NLGN1: variants seen among roughly 807,000 people sequenced by gnomAD.
The protein encoded by NLGN1 is neuroligin-1.
In NLGN1, 12 loss-of-function variants were observed where a neutral mutation model predicts 65.5. That is an observed-to-expected ratio of 0.18 (90% CI 0.12 to 0.30). The LOEUF (loss-of-function observed/expected upper bound fraction) is 0.30, where lower values mean the gene tolerates loss of function less well. Ranked by LOEUF, NLGN1 falls within the 10% of genes least tolerant of loss-of-function variation. The probability of loss-of-function intolerance (pLI) is 1.00; values close to 1 mark genes in which losing one functional copy is unlikely to be tolerated. For missense variants in NLGN1, 750 were observed against 1,007.1 expected (o/e 0.74, Z 3.46); for synonymous variants, 350 against 359.5 (o/e 0.97, Z 0.30).
At position 174,147,419 on chromosome 3, in the gene NLGN1, C is replaced by CTTTTTTTTTT. The variant is rs574298501; in HGVS notation, c.647-127874_647-127865dup. 5.2e-4 allele frequency among the ~76,000 whole-genome samples: 19 copies of CTTTTTTTTTT among 36,260 alleles called. 4 individuals are homozygous for CTTTTTTTTTT. Among genetic ancestry groups the CTTTTTTTTTT allele is most frequent in the African/African-American group, 1.2e-3 (13 of 11,166 alleles). 23.8% of individuals were successfully genotyped at this position (36,260 alleles called of 152,430 possible). Reference sequence around the variant, plus strand: ...TGAATTTTTGTGTAATGGCTCATGGCTTTTTTTTTTTTTTTTTTTTTTTTT... The same window carrying CTTTTTTTTTT: ...TGAATTTTTGTGTAATGGCTCATGGCTTTTTTTTTTTTTTTTTTTTTTTTTTTTTTTTTTT... On this transcript the variant is annotated intron_variant, in intron 4 of 6. Coordinates refer to ENST00000457714, the Ensembl canonical transcript of NLGN1.
intron 4 of NLGN1, among the ~76,000 whole-genome samples, chr3:174,169,718 C>T (rs1728172218): frequency 6.6e-6 from 1 of 152,062 alleles, no homozygotes; most frequent in South Asian, 2.1e-4. Context: ...AGATCAGTTC[C>T]AGGTCACTAA....
intron 2 of NLGN1, among the ~76,000 whole-genome samples, chr3:173,539,531 A>G (rs1738105801): frequency 6.9e-6 from 1 of 144,120 alleles, no homozygotes; most frequent in South Asian, 2.1e-4. Flanking sequence ...ATGTATATAT[A>G]CATATGTATA....
intron 2 of NLGN1, chr3:173,435,228 CA>C (rs1717897800): frequency 6.6e-6 from 1 of 152,398 alleles, no homozygotes; most frequent in African/African-American, 2.4e-5. Context: ...TTCTGTTGAA[CA>C]ATTTTAATAC....
Position 173,923,546 on chromosome 3 carries a change from G to A in NLGN1, c.646+115714G>A, listed in dbSNP as rs1169985301. Among the ~76,000 whole-genome samples the A allele has an allele frequency of 4.6e-5, 7 of 152,128 alleles. No individual in the cohort carries two copies. The South Asian group carries it at 1.5e-3, about 32-fold the overall frequency. ...TGATCCTGTGATTTAAAAATTGCTG[G>A]TGTGGGTTAAACATCTTCCAAGACA... On this transcript the variant is annotated intron_variant, in intron 4 of 6. Transcript: ENST00000457714.
chr3:173,788,406 A>G (rs1247556186), intron 3 of NLGN1, among the ~76,000 whole-genome samples: 1 of 151,826 alleles, frequency 6.6e-6, no homozygotes, highest in Non-Finnish European at 1.5e-5. Context: ...CAATTAACCT[A>G]TTTTTTTAGT....
At chr3:173,494,122 AGTGT>A (rs63066860) in intron 2 of NLGN1, among the ~76,000 whole-genome samples, 38,497 of 147,796 alleles carry the variant, frequency 0.26, 5,794 homozygotes, top group African/African-American at 0.41. Context: ...GTTATAGGTG[AGTGT>A]GTGTGTGTGT....
chr3:173,830,838 A>C (rs1185228030), intron 4 of NLGN1, among the ~76,000 whole-genome samples: 1 of 152,224 alleles, frequency 6.6e-6, no homozygotes, highest in Non-Finnish European at 1.5e-5. Flanking sequence ...AATCATGTGA[A>C]TAACTAGTCC....
At chr3:174,186,457 G>A (rs1731417086) in intron 4 of NLGN1, among the ~76,000 whole-genome samples, 1 of 151,990 alleles carries the variant, frequency 6.6e-6, no homozygotes, top group Non-Finnish European at 1.5e-5. Context: ...AGAACAAATT[G>A]CAAGAGTTTT....
intron 2 of NLGN1, among the ~76,000 whole-genome samples, chr3:173,447,043 T>A (rs1161301358): frequency 2.0e-5 from 3 of 152,242 alleles, no homozygotes; most frequent in African/African-American, 7.2e-5. Flanking sequence ...TGGTTTCTTT[T>A]GCTGTGCAGA....
chr3:173,710,850 G>A (rs1409938408), intron 3 of NLGN1, among the ~76,000 whole-genome samples: 1 of 152,144 alleles, frequency 6.6e-6, no homozygotes, highest in Non-Finnish European at 1.5e-5. Context: ...AGAAAGAAGG[G>A]AAACAGTCCA....
At chr3:173,729,114 A>T (rs1198709325) in intron 3 of NLGN1, among the ~76,000 whole-genome samples, 1 of 152,084 alleles carries the variant, frequency 6.6e-6, no homozygotes, top group Admixed American at 6.6e-5. Flanking sequence ...GGGTTTTATA[A>T]ACCCAGGTCA....
chr3:174,031,658 T>C (rs1470817942), intron 4 of NLGN1, among the ~76,000 whole-genome samples: 2 of 152,110 alleles, frequency 1.3e-5, no homozygotes, highest in Non-Finnish European at 2.9e-5. Flanking sequence ...TAAAAAATTT[T>C]AATAGAAGGT....
At chr3:173,965,611 C>T (rs974531227) in intron 4 of NLGN1, among the ~76,000 whole-genome samples, 2 of 151,950 alleles carry the variant, frequency 1.3e-5, no homozygotes, top group Non-Finnish European at 2.9e-5. Context: ...AGCCACCCAA[C>T]GCGCTGGCCC....
At chr3:173,906,604 A>G (rs1738444388) in intron 4 of NLGN1, among the ~76,000 whole-genome samples, 1 of 152,164 alleles carries the variant, frequency 6.6e-6, no homozygotes, top group South Asian at 2.1e-4. Context: ...ATGGAGGCAA[A>G]ACAGTGGGTG....
intron 4 of NLGN1, among the ~76,000 whole-genome samples, chr3:174,265,623 C>A (rs1401396810): frequency 6.6e-6 from 1 of 151,880 alleles, no homozygotes; most frequent in Non-Finnish European, 1.5e-5. Context: ...GATGGAAATG[C>A]AGAAATCACC....
chr3:173,607,006 T>C (rs1297075770), intron 3 of NLGN1, among the ~76,000 whole-genome samples: 1 of 151,918 alleles, frequency 6.6e-6, no homozygotes, highest in Non-Finnish European at 1.5e-5. Context: ...AAGATGTTGA[T>C]TCACAAAGTC....
chr3:173,917,462 G>A (rs375336607), intron 4 of NLGN1, among the ~76,000 whole-genome samples: 5 of 152,124 alleles, frequency 3.3e-5, no homozygotes, highest in Admixed American at 2.6e-4. Context: ...TTACATATGA[G>A]TTTAATTTTG....
chr3:173,772,408 A>C (rs1346004123), intron 3 of NLGN1, among the ~76,000 whole-genome samples: 1 of 151,994 alleles, frequency 6.6e-6, no homozygotes, highest in Non-Finnish European at 1.5e-5. Flanking sequence ...ACCTGAGGTC[A>C]GAAGTTTGAC....
At chr3:173,637,633 A>T (rs192945441) in intron 3 of NLGN1, among the ~76,000 whole-genome samples, 1 of 152,290 alleles carries the variant, frequency 6.6e-6, no homozygotes, top group East Asian at 1.9e-4. Flanking sequence ...ATATTGAGAT[A>T]CTATGATGTT....
Sources: gnomAD v4.1 joint callset for allele counts (sites outside exome capture counted in the v4.1 genomes callset) on GRCh38, gnomAD v4.1.1 for gene constraint, MANE v1.5 for transcripts, NCBI Gene and HGNC (gene_info 2026-07-23, HGNC 2026-07-21) for gene names.